Variants in MRPL1 observed in about 807,000 individuals in gnomAD.
MRPL1 encodes mitochondrial ribosomal protein L1, also known as large ribosomal subunit protein uL1m.
A neutral mutation model predicts 38.0 loss-of-function variants in MRPL1; 28 were observed. The observed-to-expected ratio is 0.74, with a 90% CI of 0.55 to 1.01. The LOEUF (loss-of-function observed/expected upper bound fraction) is 1.01, where lower values mean the gene tolerates loss of function less well. Among genes scored for constraint, MRPL1 ranks in the 50% least tolerant of loss-of-function variants. The pLI, the probability that MRPL1 is intolerant of heterozygous loss-of-function variation, is 0.00. For missense variants in MRPL1, 358 were observed against 389.8 expected (o/e 0.92, Z 0.69); for synonymous variants, 123 against 126.7 (o/e 0.97, Z 0.20).
At chr4:77,870,661 T>C (rs1735260469) in intron 1 of MRPL1, among the ~76,000 whole-genome samples, 1 of 152,204 alleles carries the variant, frequency 6.6e-6, no homozygotes. Flanking sequence ...TGTTTATATA[T>C]GTATATAGTG....
intron 5 of MRPL1, among the ~76,000 whole-genome samples, chr4:77,887,623 T>C (rs965099981): frequency 1.3e-5 from 2 of 152,110 alleles, no homozygotes; most frequent in Non-Finnish European, 2.9e-5. Context: ...ACTCCTGAGC[T>C]CAAGCAATCC....
At chr4:77,935,450 A>G (rs1736945862) in intron 7 of MRPL1, among the ~76,000 whole-genome samples, 1 of 151,680 alleles carries the variant, frequency 6.6e-6, no homozygotes, top group African/African-American at 2.4e-5. Flanking sequence ...GCTGGAGTGC[A>G]GTGGCGCATC....
chr4:77,945,804 A>G (rs1312446582), intron 7 of MRPL1, among the ~76,000 whole-genome samples: 2 of 152,128 alleles, frequency 1.3e-5, no homozygotes, highest in African/African-American at 4.8e-5. Flanking sequence ...CACAAAGATC[A>G]CATGCTTCAA....
chr4:77,878,154 G>T (rs927760732), intron 2 of MRPL1, among the ~76,000 whole-genome samples: 4 of 152,086 alleles, frequency 2.6e-5, no homozygotes, highest in African/African-American at 9.7e-5. Flanking sequence ...GGGACTGACT[G>T]TCCTTGGATT....
chr4:77,889,069 C>G (rs1735747830), intron 5 of MRPL1, among the ~76,000 whole-genome samples: 1 of 152,136 alleles, frequency 6.6e-6, no homozygotes, highest in African/African-American at 2.4e-5. Context: ...TTAGACACAT[C>G]AACGAGACAG....
intron 7 of MRPL1, among the ~76,000 whole-genome samples, chr4:77,935,867 G>A (rs1199583270): frequency 1.3e-5 from 2 of 151,630 alleles, no homozygotes; most frequent in Non-Finnish European, 2.9e-5. Context: ...GCGAGGCAGA[G>A]GTTGCAGTGA....
intron 7 of MRPL1, among the ~76,000 whole-genome samples, chr4:77,925,243 A>C (rs966405364): frequency 6.6e-6 from 1 of 152,086 alleles, no homozygotes; most frequent in Non-Finnish European, 1.5e-5. Flanking sequence ...AATGAAATAT[A>C]TATGTTTAAT....
At chr4:77,874,183 T>G (rs998582332) in intron 2 of MRPL1, among the ~76,000 whole-genome samples, 1 of 152,166 alleles carries the variant, frequency 6.6e-6, no homozygotes, top group Admixed American at 6.5e-5. Context: ...AGACGGGGTT[T>G]CACTATGTTG....
At chr4:77,934,393 C>T (rs1242796072) in intron 7 of MRPL1, among the ~76,000 whole-genome samples, 1 of 151,972 alleles carries the variant, frequency 6.6e-6, no homozygotes, top group Non-Finnish European at 1.5e-5. Context: ...AGCACAGAGC[C>T]TAAATACATA....
chr4:77,864,808 T>C (rs961277480), intron 1 of MRPL1: 1 of 152,170 alleles, frequency 6.6e-6, no homozygotes, highest in Non-Finnish European at 1.5e-5. Flanking sequence ...CCACGGTAGC[T>C]ACTGTTCTTT....
chr4:77,892,588 A>C (rs182266949), intron 5 of MRPL1, among the ~76,000 whole-genome samples: 10 of 152,176 alleles, frequency 6.6e-5, no homozygotes, highest in Admixed American at 6.5e-5. Flanking sequence ...TATTATTCCA[A>C]GATACAGTCC....
intron 5 of MRPL1, 115 bp downstream of exon 5, chr4:77,887,406 G>C (rs1015244664): frequency 3.4e-5 from 30 of 893,546 alleles, no homozygotes; most frequent in Non-Finnish European, 4.8e-5. Flanking sequence ...ATAGTTAATA[G>C]GTCTTTATAA....
intron 7 of MRPL1, among the ~76,000 whole-genome samples, chr4:77,945,608 C>T (rs941983689): frequency 4.0e-5 from 6 of 151,574 alleles, no homozygotes; most frequent in Non-Finnish European, 7.4e-5. Context: ...ATCGTAAGTT[C>T]TTTCTATTTT....
intron 7 of MRPL1, among the ~76,000 whole-genome samples, chr4:77,922,624 A>C (rs1736605136): frequency 6.6e-6 from 1 of 152,216 alleles, no homozygotes; most frequent in Non-Finnish European, 1.5e-5. Context: ...GATGACACTG[A>C]CTGGAGTCAG....
At chr4:77,899,025 G>T (rs1363762460) in intron 6 of MRPL1, among the ~76,000 whole-genome samples, 1 of 133,564 alleles carries the variant, frequency 7.5e-6, no homozygotes, top group African/African-American at 2.9e-5. Context: ...ACAGAGTCTC[G>T]TTCTGTCACC....
chr4:77,904,093 A>AG (rs913142103), intron 6 of MRPL1, among the ~76,000 whole-genome samples: 1 of 151,952 alleles, frequency 6.6e-6, no homozygotes, highest in Non-Finnish European at 1.5e-5. Context: ...TTAAAAAAAA[A>AG]AAAATCTACT....
At chr4:77,909,435 A>AT (rs1457626681) in intron 7 of MRPL1, 63 bp downstream of exon 7, 34 of 999,832 alleles carry the variant, frequency 3.4e-5, no homozygotes, top group Non-Finnish European at 4.8e-5. Context: ...TTCTTCAGTA[A>AT]TTTATAATAT....
Position 77,947,155 on chromosome 4 carries a change from T to C in MRPL1, c.778-2642T>C, listed in dbSNP as rs371094840. Among the ~76,000 whole-genome samples, 4 of 152,274 alleles carry C rather than the reference T, an allele frequency of 2.6e-5. No individual in the cohort carries two copies. In the South Asian group the frequency reaches 6.2e-4, roughly 24 times the overall value. ...GATAGAGACATAAAGTTCACCTGTG[T>C]CCACTGAGCCACTACCCTGACATCT... On this transcript the variant is annotated intron_variant, in intron 7 of 8. Transcript: ENST00000315567.
Position 77,883,414 on chromosome 4 carries a change from C to CT in MRPL1, c.318dup (p.Lys107Ter), listed in dbSNP as rs1215751680. 3 of 1,613,784 alleles carry CT rather than the reference C, an allele frequency of 1.9e-6. No individual in the cohort carries two copies. In the African/African-American group the frequency reaches 4.0e-5, roughly 22 times the overall value. On this transcript the variant is annotated frameshift_variant, in exon 3 of 9. Coordinates refer to ENST00000315567, the MANE Select transcript of MRPL1 (RefSeq NM_020236.4). LOFTEE classifies it high-confidence loss of function. ...TGAGGTGGAGAAAGCTGTTCACTTA[C>CT]TTAAGAAATTTCAAATTCTTGACTT...
Sources: gnomAD v4.1 joint callset for allele counts (sites outside exome capture counted in the v4.1 genomes callset) on GRCh38, gnomAD v4.1.1 for gene constraint, MANE v1.5 for transcripts, NCBI Gene and HGNC (gene_info 2026-07-23, HGNC 2026-07-21) for gene names.